The following SGMS1 variants were observed in gnomAD, a reference collection of about 807,000 sequenced individuals.
The protein encoded by SGMS1 is phosphatidylcholine:ceramide cholinephosphotransferase 1.
Under a neutral mutation model 46.2 loss-of-function variants are expected in SGMS1, and 13 were observed. That is an observed-to-expected ratio of 0.28 (90% CI 0.18 to 0.45). The LOEUF (loss-of-function observed/expected upper bound fraction) is 0.45, where lower values mean the gene tolerates loss of function less well. Among genes scored for constraint, SGMS1 ranks in the 20% least tolerant of loss-of-function variants. SGMS1 has a pLI of 1.00. For missense variants in SGMS1, 324 were observed against 519.9 expected (o/e 0.62, Z 3.66); for synonymous variants, 203 against 187.8 (o/e 1.08, Z -0.66).
At chr10:50,369,818 A>C (rs1848407187) in intron 6 of SGMS1, among the ~76,000 whole-genome samples, 1 of 152,240 alleles carries the variant, frequency 6.6e-6, no homozygotes, top group African/African-American at 2.4e-5. Flanking sequence ...TAAGAAATGC[A>C]TCATTAGGTG....
intron 6 of SGMS1, among the ~76,000 whole-genome samples, chr10:50,412,990 T>A (rs1366041339): frequency 6.6e-6 from 1 of 152,224 alleles, no homozygotes; most frequent in Non-Finnish European, 1.5e-5. Flanking sequence ...GGAGCCCTTT[T>A]ATTTTTAATA....
chr10:50,507,864 C>T (rs949145777), intron 3 of SGMS1, among the ~76,000 whole-genome samples: 1 of 152,210 alleles, frequency 6.6e-6, no homozygotes, highest in African/African-American at 2.4e-5. Flanking sequence ...CCCTAATACC[C>T]TGGAATGGCA....
intron 8 of SGMS1, among the ~76,000 whole-genome samples, chr10:50,314,848 G>T (rs1386505904): frequency 6.6e-6 from 1 of 152,176 alleles, no homozygotes; most frequent in Non-Finnish European, 1.5e-5. Flanking sequence ...TTGAGCCTAG[G>T]AGTTCAAGGC....
chr10:50,567,659 T>C (rs530095950), intron 2 of SGMS1, among the ~76,000 whole-genome samples: 1 of 152,200 alleles, frequency 6.6e-6, no homozygotes, highest in Non-Finnish European at 1.5e-5. Context: ...TGACCCACTT[T>C]GCCAATTTAT....
intron 7 of SGMS1, among the ~76,000 whole-genome samples, chr10:50,337,848 A>G (rs1453854888): frequency 2.0e-5 from 3 of 151,032 alleles, no homozygotes; most frequent in Non-Finnish European, 3.0e-5. Context: ...AAGGCCCCCA[A>G]AAGGCTTATC....
At chr10:50,372,927 C>G in intron 6 of SGMS1, among the ~76,000 whole-genome samples, 1 of 140,564 alleles carries the variant, frequency 7.1e-6, no homozygotes. Flanking sequence ...AAACTTAAAT[C>G]CAAAGTCAAT....
intron 3 of SGMS1, among the ~76,000 whole-genome samples, chr10:50,510,909 G>T (rs1359573763): frequency 6.6e-6 from 1 of 151,994 alleles, no homozygotes; most frequent in Non-Finnish European, 1.5e-5. Flanking sequence ...CCACAATCGG[G>T]ATATAAATCT....
At position 50,306,864 on chromosome 10, in the gene SGMS1, T is replaced by A. The variant is rs2133265216; in HGVS notation, c.*278A>T. ...CTTACATTTATGCTGCTGCATCATA[T>A]ACAAAGGAACATGGTGGTTGCGGGT... On this transcript the variant is annotated 3_prime_UTR_variant, in exon 11 of 11. Coordinates refer to ENST00000361781, the MANE Select transcript of SGMS1 (RefSeq NM_147156.4). 1 of 293,790 alleles carries A rather than the reference T, an allele frequency of 3.4e-6. No homozygotes were observed. Among genetic ancestry groups the A allele is most frequent in the South Asian group, 1.4e-4 (1 of 7,186 alleles). 18.2% of individuals were successfully genotyped at this position (293,790 alleles called of 1,614,324 possible).
At chr10:50,432,933 A>G (rs921241796) in intron 6 of SGMS1, among the ~76,000 whole-genome samples, 1 of 152,186 alleles carries the variant, frequency 6.6e-6, no homozygotes, top group African/African-American at 2.4e-5. Context: ...TGAAACCAAA[A>G]TCAACCATAT....
At chr10:50,617,409 T>A (rs943270598) in intron 1 of SGMS1, among the ~76,000 whole-genome samples, 20 of 152,256 alleles carry the variant, frequency 1.3e-4, no homozygotes, top group African/African-American at 4.8e-4. Flanking sequence ...GTTGCTTAAG[T>A]CTGGGGACAA....
At chr10:50,317,918 C>T (rs1159256396) in intron 8 of SGMS1, among the ~76,000 whole-genome samples, 2 of 151,904 alleles carry the variant, frequency 1.3e-5, no homozygotes, top group Non-Finnish European at 2.9e-5. Context: ...ATTCTCCTGC[C>T]TCAGCCTCCC....
intron 1 of SGMS1, among the ~76,000 whole-genome samples, chr10:50,610,445 A>G (rs75870869): frequency 0.24 from 37,121 of 152,154 alleles, 5,006 homozygotes; most frequent in Middle Eastern, 0.34. Context: ...GGGACCCCCA[A>G]TAAGAACCTG....
intron 6 of SGMS1, among the ~76,000 whole-genome samples, chr10:50,346,488 C>T (rs1847913798): frequency 6.6e-6 from 1 of 152,098 alleles, no homozygotes; most frequent in African/African-American, 2.4e-5. Context: ...CTGATAAAAT[C>T]TTCCAAGCTT....
intron 8 of SGMS1, among the ~76,000 whole-genome samples, chr10:50,316,852 G>A (rs568587629): frequency 1.3e-5 from 2 of 152,130 alleles, no homozygotes; most frequent in African/African-American, 4.8e-5. Flanking sequence ...ACACACTGTG[G>A]TGTCCCTCAA....
At chr10:50,621,952 G>A (rs1007747868) in intron 1 of SGMS1, among the ~76,000 whole-genome samples, 1 of 152,166 alleles carries the variant, frequency 6.6e-6, no homozygotes, top group African/African-American at 2.4e-5. Flanking sequence ...TTTAAGAGGC[G>A]CAGTAAGGAA....
chr10:50,362,737 A>G (rs1200859454), intron 6 of SGMS1, among the ~76,000 whole-genome samples: 2 of 152,224 alleles, frequency 1.3e-5, no homozygotes, highest in African/African-American at 2.4e-5. Flanking sequence ...ATTTGATCAT[A>G]TAAAACAGGT....
intron 1 of SGMS1, among the ~76,000 whole-genome samples, chr10:50,590,492 C>A (rs1838529974): frequency 6.6e-6 from 1 of 151,234 alleles, no homozygotes; most frequent in Admixed American, 6.6e-5. Context: ...CTGTAAGTTT[C>A]TTTTTTTTTC....
intron 2 of SGMS1, among the ~76,000 whole-genome samples, chr10:50,574,395 T>C (rs1434829713): frequency 1.3e-5 from 2 of 152,120 alleles, no homozygotes; most frequent in African/African-American, 4.8e-5. Context: ...GACCAAATGC[T>C]CAACATCACT....
intron 6 of SGMS1, among the ~76,000 whole-genome samples, chr10:50,414,329 G>A (rs1849139098): frequency 6.6e-6 from 1 of 152,230 alleles, no homozygotes; most frequent in African/African-American, 2.4e-5. Context: ...GCTTGAGGTT[G>A]CAGTGAGTCG....
Sources: allele counts gnomAD v4.1 joint callset (sites outside exome capture counted in the v4.1 genomes callset), GRCh38; gene constraint gnomAD v4.1.1; transcripts MANE v1.5; gene names NCBI Gene and HGNC (gene_info 2026-07-23, HGNC 2026-07-21).